The following INPP4B variants were observed in gnomAD, a reference collection of about 807,000 sequenced individuals.
The protein encoded by INPP4B is inositol polyphosphate-4-phosphatase type II B.
INPP4B carries 55 observed loss-of-function variants against 122.5 expected under a neutral mutation model. The ratio of observed to expected loss-of-function variants is 0.45; its 90% confidence interval spans 0.36 to 0.56. The LOEUF (loss-of-function observed/expected upper bound fraction) is 0.56, where lower values mean the gene tolerates loss of function less well. Among genes scored for constraint, INPP4B ranks in the 20% least tolerant of loss-of-function variants. INPP4B has a pLI of 0.00. For missense variants in INPP4B, 1,000 were observed against 1,097.7 expected (o/e 0.91, Z 1.26); for synonymous variants, 403 against 388.7 (o/e 1.04, Z -0.43).
intron 2 of INPP4B, among the ~76,000 whole-genome samples, chr4:142,493,841 A>G (rs1189246072): frequency 1.3e-5 from 2 of 152,074 alleles, no homozygotes; most frequent in South Asian, 2.1e-4. Flanking sequence ...AATGTAAGGA[A>G]ATGAGAACTG....
intron 2 of INPP4B, among the ~76,000 whole-genome samples, chr4:142,701,681 T>C (rs1342103514): frequency 6.6e-6 from 1 of 152,108 alleles, no homozygotes; most frequent in Non-Finnish European, 1.5e-5. Flanking sequence ...CCATTGCTTA[T>C]AATCAAGCTC....
intron 7 of INPP4B, among the ~76,000 whole-genome samples, chr4:142,368,693 G>T (rs1199619347): frequency 6.8e-6 from 1 of 146,416 alleles, no homozygotes; most frequent in Non-Finnish European, 1.5e-5. Flanking sequence ...AGAAAATGAT[G>T]ACCTAAATTA....
intron 17 of INPP4B, among the ~76,000 whole-genome samples, chr4:142,158,795 G>T (rs1336113262): frequency 6.6e-6 from 1 of 150,866 alleles, no homozygotes; most frequent in Non-Finnish European, 1.5e-5. Context: ...AGGAAGAGGG[G>T]GTCAAGGTGA....
rs1167624297 is a variant in INPP4B at position 142,025,500 on chromosome 4, T to C, written c.*3282A>G. 2.0e-5 allele frequency: 3 copies of C among 152,166 alleles called. No individual in the cohort carries two copies. Among genetic ancestry groups the C allele is most frequent in the Admixed American group, 6.5e-5 (1 of 15,272 alleles). 9.4% of individuals were successfully genotyped at this position (152,166 alleles called of 1,614,324 possible). A position where few individuals can be genotyped will look rare whatever the true frequency, so the allele number is the denominator to read the frequency against. ...TACTTTAATTATCAACTTTTATGCA[T>C]CAGAACGAGCTAGTTCCAGCCCACC... On this transcript the variant is annotated 3_prime_UTR_variant, in exon 26 of 26. Transcript: ENST00000262992.
At chr4:142,519,765 T>C (rs1251726588) in intron 2 of INPP4B, among the ~76,000 whole-genome samples, 1 of 152,118 alleles carries the variant, frequency 6.6e-6, no homozygotes, top group Non-Finnish European at 1.5e-5. Context: ...AATTAATTTA[T>C]CATTAACATT....
chr4:142,810,628 A>G (rs1779395313), intron 1 of INPP4B, among the ~76,000 whole-genome samples: 1 of 152,210 alleles, frequency 6.6e-6, no homozygotes, highest in South Asian at 2.1e-4. Context: ...CCTAACATCT[A>G]TTAAATTTCT....
At chr4:142,807,730 C>A (rs1487480451) in intron 1 of INPP4B, among the ~76,000 whole-genome samples, 1 of 152,150 alleles carries the variant, frequency 6.6e-6, no homozygotes, top group African/African-American at 2.4e-5. Context: ...CAGTGACTTT[C>A]AGTAGCCCCT....
intron 18 of INPP4B, among the ~76,000 whole-genome samples, chr4:142,140,365 G>T (rs974910904): frequency 7.9e-5 from 12 of 152,176 alleles, no homozygotes; most frequent in African/African-American, 2.9e-4. Context: ...GAAAGATGGA[G>T]AAATATAGGC....
chr4:142,427,059 T>C (rs1808250807), intron 5 of INPP4B: 1 of 152,426 alleles, frequency 6.6e-6, no homozygotes, highest in Non-Finnish European at 1.5e-5. Flanking sequence ...CATACAATAA[T>C]AGGTGACGTC....
chr4:142,776,342 T>G (rs1376568855), intron 1 of INPP4B, among the ~76,000 whole-genome samples: 1 of 152,054 alleles, frequency 6.6e-6, no homozygotes, highest in Admixed American at 6.6e-5. Flanking sequence ...GAAATGAAGG[T>G]TTTTCTTCAG....
intron 2 of INPP4B, among the ~76,000 whole-genome samples, chr4:142,657,959 A>C (rs560619146): frequency 1.4e-3 from 215 of 152,306 alleles, no homozygotes; most frequent in Non-Finnish European, 2.1e-3. Context: ...GGTAAATAGG[A>C]TCATTTGACA....
At chr4:142,368,623 T>C (rs1788480306) in intron 7 of INPP4B, among the ~76,000 whole-genome samples, 1 of 152,082 alleles carries the variant, frequency 6.6e-6, no homozygotes, top group African/African-American at 2.4e-5. Context: ...AAATATAATG[T>C]TCAAACTACC....
At chr4:142,049,739 C>T (rs1753479682) in intron 25 of INPP4B, among the ~76,000 whole-genome samples, 1 of 151,854 alleles carries the variant, frequency 6.6e-6, no homozygotes, top group African/African-American at 2.4e-5. Flanking sequence ...ATAAAACTAA[C>T]CATATAATCT....
At chr4:142,077,392 A>C (rs1578822416) in intron 25 of INPP4B, among the ~76,000 whole-genome samples, 1 of 152,124 alleles carries the variant, frequency 6.6e-6, no homozygotes, top group East Asian at 1.9e-4. Flanking sequence ...GTTCCTGTTA[A>C]GGAAAAATAA....
At position 142,187,179 on chromosome 4, in the gene INPP4B, G is replaced by A. The variant is rs372091706; in HGVS notation, c.1181+5908C>T. ...TCAAAATGATATATTGTCAGCTACT[G>A]AACACAGTCCAAAAGAAAAAAAGGA... On this transcript the variant is annotated intron_variant, in intron 15 of 25. Transcript: ENST00000262992. Among the ~76,000 whole-genome samples, 4 of 151,996 alleles carry A rather than the reference G, an allele frequency of 2.6e-5. No individual in the cohort carries two copies. The South Asian group carries it at 8.3e-4, about 32-fold the overall frequency.
intron 9 of INPP4B, among the ~76,000 whole-genome samples, chr4:142,283,730 G>A (rs538608662): frequency 1.6e-4 from 24 of 152,232 alleles, no homozygotes; most frequent in African/African-American, 5.3e-4. Context: ...TATGCAGTCT[G>A]TCATTGACCA....
chr4:142,797,960 C>T (rs563817245), intron 1 of INPP4B, among the ~76,000 whole-genome samples: 2 of 151,584 alleles, frequency 1.3e-5, no homozygotes, highest in Non-Finnish European at 3.0e-5. Context: ...CAGAAGTAAG[C>T]CAGAATAAAG....
chr4:142,152,572 C>T (rs774706741), intron 17 of INPP4B, among the ~76,000 whole-genome samples: 56 of 151,870 alleles, frequency 3.7e-4, no homozygotes, highest in Non-Finnish European at 7.1e-4. Context: ...AAATTTTGGG[C>T]GTTTTTAAAT....
chr4:142,705,045 C>T (rs1249355823), intron 2 of INPP4B, among the ~76,000 whole-genome samples: 2 of 152,146 alleles, frequency 1.3e-5, no homozygotes, highest in African/African-American at 4.8e-5. Flanking sequence ...TGAAATTCAC[C>T]ATACCCTTTC....
Sources: allele counts gnomAD v4.1 joint callset (sites outside exome capture counted in the v4.1 genomes callset), GRCh38; gene constraint gnomAD v4.1.1; transcripts MANE v1.5; gene names NCBI Gene and HGNC (gene_info 2026-07-23, HGNC 2026-07-21).